Variants in CTNNA3 observed in about 807,000 individuals in gnomAD.
CTNNA3 encodes the protein catenin alpha-3.
CTNNA3 carries 76 observed loss-of-function variants against 95.7 expected under a neutral mutation model. The ratio of observed to expected loss-of-function variants is 0.79; its 90% confidence interval spans 0.66 to 0.96. CTNNA3 has a LOEUF of 0.96. Ranked by LOEUF, CTNNA3 falls within the 40% of genes least tolerant of loss-of-function variation. The pLI is 0.00. For synonymous variants in CTNNA3, 431 were observed against 374.4 expected (o/e 1.15, Z -1.74); for missense variants, 1,191 against 1,089.8 (o/e 1.09, Z -1.31).
intron 4 of CTNNA3, among the ~76,000 whole-genome samples, chr10:67,530,537 A>C (rs1367548148): frequency 2.6e-5 from 4 of 152,216 alleles, no homozygotes; most frequent in Admixed American, 6.5e-5. Flanking sequence ...TGGTTTAAGG[A>C]ACTTCTAAGC....
intron 7 of CTNNA3, among the ~76,000 whole-genome samples, chr10:66,885,243 T>C (rs1377110782): frequency 2.6e-5 from 4 of 152,176 alleles, no homozygotes; most frequent in African/African-American, 2.4e-5. Flanking sequence ...TTTGGACATA[T>C]GATATTCAGC....
intron 1 of CTNNA3, among the ~76,000 whole-genome samples, chr10:67,737,440 CT>C: frequency 6.6e-6 from 1 of 151,864 alleles, no homozygotes; most frequent in South Asian, 2.1e-4. Context: ...CCCCAAAGAA[CT>C]AGAAAAGCAG....
Position 66,477,246 on chromosome 10 carries a change from C to G in CTNNA3, c.1531+43371G>C, listed in dbSNP as rs114660859. On this transcript the variant is annotated intron_variant, in intron 11 of 17. Coordinates refer to ENST00000433211, the MANE Select transcript of CTNNA3 (RefSeq NM_013266.4). ...ATTTAGAACATTTCAACTAAAATGG[C>G]ATTTCTGGGCCTTATCAATAGTTTG... is the stretch of plus-strand genomic sequence containing the variant. Among the ~76,000 whole-genome samples the G allele has an allele frequency of 8.6e-3, 1,314 of 152,128 alleles. 22 individuals carry two copies. Among genetic ancestry groups the G allele is most frequent in the African/African-American group, 0.03 (1,254 of 41,518 alleles).
chr10:67,220,092 G>A (rs1029109255), intron 5 of CTNNA3, among the ~76,000 whole-genome samples: 6 of 152,158 alleles, frequency 3.9e-5, no homozygotes, highest in African/African-American at 7.2e-5. Context: ...AAAGGTCCCC[G>A]TAGAGCAGAT....
chr10:66,966,171 A>G (rs1849399938), intron 7 of CTNNA3, among the ~76,000 whole-genome samples: 1 of 152,202 alleles, frequency 6.6e-6, no homozygotes. Context: ...GAAGACCTCA[A>G]TAAATGTTAC....
intron 5 of CTNNA3, among the ~76,000 whole-genome samples, chr10:67,486,379 T>C (rs750301617): frequency 3.3e-5 from 5 of 152,318 alleles, no homozygotes; most frequent in Non-Finnish European, 5.9e-5. Context: ...TCAATTCCAA[T>C]AGATCTTCTA....
At position 67,488,575 on chromosome 10, in the gene CTNNA3, T is replaced by C. The variant is rs184237360; in HGVS notation, c.579+33267A>G. 2.6e-4 allele frequency among the ~76,000 whole-genome samples: 39 copies of C among 152,204 alleles called. No individual in the cohort carries two copies. In the East Asian group the frequency reaches 7.3e-3, roughly 29 times the overall value. On this transcript the variant is annotated intron_variant, in intron 5 of 17. Transcript: ENST00000433211. ...TAGTAGAGATGGGGTTTCATCATGT[T>C]GGCCAGGCTGTTCTCAAACTCCTGA...
At chr10:67,669,963 A>G (rs74142886) in intron 1 of CTNNA3, among the ~76,000 whole-genome samples, 195 of 152,362 alleles carry the variant, frequency 1.3e-3, no homozygotes, top group African/African-American at 4.4e-3. Context: ...AGCTTCTTCC[A>G]AAGTTGCAAC....
intron 13 of CTNNA3, among the ~76,000 whole-genome samples, chr10:66,145,004 T>C (rs1454661559): frequency 2.4e-5 from 2 of 84,114 alleles, no homozygotes; most frequent in African/African-American, 1.1e-4. Flanking sequence ...CCCCTACTTT[T>C]GTATAAAAAG....
chr10:67,252,085 C>A (rs1271550530), intron 5 of CTNNA3, among the ~76,000 whole-genome samples: 1 of 151,998 alleles, frequency 6.6e-6, no homozygotes, highest in Non-Finnish European at 1.5e-5. Flanking sequence ...GTGGTGTGTG[C>A]CCGAAGTCCC....
At chr10:66,446,146 G>A (rs1418822570) in intron 11 of CTNNA3, among the ~76,000 whole-genome samples, 1 of 152,132 alleles carries the variant, frequency 6.6e-6, no homozygotes. Flanking sequence ...TCTCTGAATA[G>A]ACTAATAACA....
At chr10:67,003,044 T>G (rs1221410692) in intron 7 of CTNNA3, among the ~76,000 whole-genome samples, 1 of 152,150 alleles carries the variant, frequency 6.6e-6, no homozygotes, top group Non-Finnish European at 1.5e-5. Context: ...GCCATGGTTA[T>G]GTTCATAGGC....
intron 13 of CTNNA3, among the ~76,000 whole-genome samples, chr10:66,248,609 A>C (rs1179687429): frequency 6.6e-6 from 1 of 152,180 alleles, no homozygotes; most frequent in Admixed American, 6.5e-5. Flanking sequence ...TATATGAGAC[A>C]AAGTAGACTT....
At chr10:66,059,355 T>C (rs189450385) in intron 15 of CTNNA3, among the ~76,000 whole-genome samples, 10 of 152,272 alleles carry the variant, frequency 6.6e-5, no homozygotes, top group Non-Finnish European at 1.2e-4. Context: ...CGTTCTTTTA[T>C]TGTCTGTTCA....
chr10:66,820,864 TAA>T (rs1349006754), intron 7 of CTNNA3, among the ~76,000 whole-genome samples: 18 of 152,052 alleles, frequency 1.2e-4, no homozygotes, highest in African/African-American at 4.1e-4. Flanking sequence ...CTAGAAATAA[TAA>T]GTCTTAAAAA....
At chr10:66,882,515 T>G (rs1451839448) in intron 7 of CTNNA3, among the ~76,000 whole-genome samples, 1 of 152,164 alleles carries the variant, frequency 6.6e-6, no homozygotes, top group African/African-American at 2.4e-5. Flanking sequence ...AATGGCACCA[T>G]GCATTGACGG....
At chr10:66,508,296 A>G (rs112211318) in intron 11 of CTNNA3, among the ~76,000 whole-genome samples, 4,836 of 149,078 alleles carry the variant, frequency 0.032, 251 homozygotes, top group African/African-American at 0.11. Context: ...CGGTAGAGTG[A>G]GGCTGCCTCT....
At chr10:67,469,289 A>T (rs1406312256) in intron 5 of CTNNA3, among the ~76,000 whole-genome samples, 1 of 152,194 alleles carries the variant, frequency 6.6e-6, no homozygotes, top group Non-Finnish European at 1.5e-5. Context: ...TTAAAAATAT[A>T]CTAAATGAAA....
intron 9 of CTNNA3, among the ~76,000 whole-genome samples, chr10:66,725,961 T>C (rs1157066331): frequency 6.6e-6 from 1 of 152,136 alleles, no homozygotes; most frequent in Non-Finnish European, 1.5e-5. Flanking sequence ...TAGGATAACA[T>C]ATACTTATCA....
Sources: gnomAD v4.1 joint callset for allele counts (sites outside exome capture counted in the v4.1 genomes callset) on GRCh38, gnomAD v4.1.1 for gene constraint, MANE v1.5 for transcripts, NCBI Gene and HGNC (gene_info 2026-07-23, HGNC 2026-07-21) for gene names.